Variants in R3HDML observed in about 807,000 individuals in gnomAD.
R3HDML encodes peptidase inhibitor R3HDML.
Under a neutral mutation model 24.2 loss-of-function variants are expected in R3HDML, and 21 were observed. The ratio of observed to expected loss-of-function variants is 0.87; its 90% confidence interval spans 0.62 to 1.25. The LOEUF (loss-of-function observed/expected upper bound fraction) is 1.25, where lower values mean the gene tolerates loss of function less well. R3HDML is among the 50% of genes most tolerant of loss of function. R3HDML has a pLI of 0.00. For synonymous variants in R3HDML, 133 were observed against 131.5 expected (o/e 1.01, Z -0.08); for missense variants, 301 against 340.3 (o/e 0.88, Z 0.91).
intron 4 of R3HDML, among the ~76,000 whole-genome samples, chr20:44,349,137 AAAATAAAAT>A (rs2062800657): frequency 6.9e-6 from 1 of 144,560 alleles, no homozygotes; most frequent in African/African-American, 2.7e-5. Context: ...AAAGTAAAAT[AAAATAAAAT>A]AAATAAAATA....
intron 4 of R3HDML, among the ~76,000 whole-genome samples, chr20:44,348,404 C>CCCTTCCCCTTCCTTTCTTT (rs1392314077): frequency 1.4e-5 from 2 of 147,252 alleles, no homozygotes; most frequent in East Asian, 3.9e-4. Flanking sequence ...TTCGGCCTTC[C>CCCTTCCCCTTCCTTTCTTT]CCTTCCCCTT....
Position 44,337,091 on chromosome 20 carries a change from G to T in R3HDML, c.-67G>T. On this transcript the variant is annotated 5_prime_UTR_variant, in exon 1 of 5. Transcript: ENST00000217043. This position sits in a 1 kb window ranked among gnomAD's most constrained non-coding sequence, Gnocchi z 4.7. ...AGAACGCTCAGGGTCTGGTGCTCTC[G>T]TGCCTGCCCCTTCCAGGCAGCCGGC... The T allele has an allele frequency of 1.3e-6, 2 of 1,543,472 alleles. No individual in the cohort carries two copies. Among genetic ancestry groups the T allele is most frequent in the African/African-American group, 2.7e-5 (2 of 73,770 alleles).
intron 1 of R3HDML, among the ~76,000 whole-genome samples, chr20:44,338,744 CA>C (rs1184508940): frequency 1.3e-5 from 2 of 152,108 alleles, no homozygotes; most frequent in Non-Finnish European, 2.9e-5. Context: ...CCCTTTGTAG[CA>C]TGAGGGAAGC....
At chr20:44,348,397 G>A (rs1052006242) in intron 4 of R3HDML, among the ~76,000 whole-genome samples, 16 of 151,270 alleles carry the variant, frequency 1.1e-4, no homozygotes, top group Admixed American at 3.9e-4. Context: ...GACAGGCTTC[G>A]GCCTTCCCCT....
At chr20:44,341,341 C>G (rs1452172759) in intron 2 of R3HDML, 27 bp downstream of exon 2, 1 of 1,541,970 alleles carries the variant, frequency 6.5e-7, no homozygotes, top group East Asian at 2.3e-5. Flanking sequence ...CCTTCCTTCA[C>G]TCAGTCATTC....
Position 44,337,450 on chromosome 20 carries a change from C to T in R3HDML, c.261+32C>T. On this transcript the variant is annotated intron_variant, in intron 1 of 4. Transcript: ENST00000217043. This position sits in a 1 kb window ranked among gnomAD's most constrained non-coding sequence, Gnocchi z 4.7. ...CCCCGTACCTGCCCCCCACCCCCCG[C>T]AGTGTCCCTTCCGGCAAACGCAGCC... 6.3e-7 allele frequency: 1 copy of T among 1,595,240 alleles called. No homozygotes were observed. Among genetic ancestry groups the T allele is most frequent in the African/African-American group, 1.3e-5 (1 of 74,748 alleles).
chr20:44,340,887 C>T (rs1279427745), intron 1 of R3HDML, among the ~76,000 whole-genome samples: 1 of 152,140 alleles, frequency 6.6e-6, no homozygotes, highest in African/African-American at 2.4e-5. Context: ...ATTTTCTCAT[C>T]CTTCTGGGTT....
chr20:44,347,234 G>A (rs35333919), intron 4 of R3HDML, among the ~76,000 whole-genome samples: 11 of 150,452 alleles, frequency 7.3e-5, no homozygotes, highest in Non-Finnish European at 1.0e-4. Context: ...TTTTTTTTGG[G>A]GGGGGACGAG....
intron 1 of R3HDML, among the ~76,000 whole-genome samples, chr20:44,338,630 T>A (rs1490584391): frequency 6.6e-6 from 1 of 152,158 alleles, no homozygotes; most frequent in Non-Finnish European, 1.5e-5. Flanking sequence ...GTTTAATGAT[T>A]GCAGGCGGCA....
chr20:44,350,635 C>T lies in R3HDML; in HGVS notation c.630-25C>T, dbSNP rs367604424. ...GGTTACTCACCTAATGCTCCTCTGTCTCCCTGGGTCCTTTTCTCTTCCAGG... is the reference window on the plus strand; with the variant it reads ...GGTTACTCACCTAATGCTCCTCTGTTTCCCTGGGTCCTTTTCTCTTCCAGG... On this transcript the variant is annotated intron_variant, in intron 4 of 4. Transcript: ENST00000217043. 2.2e-5 allele frequency: 36 copies of T among 1,606,904 alleles called. No individual in the cohort carries two copies. The South Asian group carries it at 3.9e-4, about 17-fold the overall frequency.
chr20:44,338,308 C>T (rs1057427504), intron 1 of R3HDML, among the ~76,000 whole-genome samples: 8 of 152,194 alleles, frequency 5.3e-5, no homozygotes, highest in East Asian at 1.9e-4. Context: ...AGCCAGGCAC[C>T]GTGCTAAGCC....
At chr20:44,344,996 ACT>A in intron 3 of R3HDML, 1 of 473,162 alleles carries the variant, frequency 2.1e-6, no homozygotes, top group Admixed American at 4.0e-5. Context: ...GATTTGTAAA[ACT>A]CTTGTTCAAA....
Position 44,345,299 on chromosome 20 carries a change from A to T in R3HDML, c.550A>T (p.Ile184Phe). ...WASSNRLGCAIHTCSSISVWG... is the reference protein window; with the variant it reads ...WASSNRLGCAFHTCSSISVWG... ...ATCCTCCAATCGGCTGGGCTGTGCC[A>T]TCCACACCTGTAGTAGCATCAGTGT... Residue 184 changes from isoleucine to phenylalanine, a missense_variant, in exon 4 of 5, where the codon ATC (isoleucine) becomes TTC (phenylalanine). Coordinates refer to ENST00000217043, the MANE Select transcript of R3HDML (RefSeq NM_178491.4). The T allele has an allele frequency of 6.2e-7, 1 of 1,614,124 alleles. No individual in the cohort carries two copies. The highest frequency in any genetic ancestry group is 8.5e-7 in the Non-Finnish European group (1 of 1,180,034).
rs750658327 is a variant in R3HDML at position 44,343,373 on chromosome 20, C to G, written c.381-4C>G. 6.2e-6 allele frequency: 10 copies of G among 1,607,672 alleles called. No individual in the cohort carries two copies. The South Asian group carries it at 1.0e-4, about 16-fold the overall frequency. On this transcript the variant is annotated splice_polypyrimidine_tract_variant and splice_region_variant and intron_variant, in intron 2 of 4. Transcript: ENST00000217043. ...AGCTTCTTCCGTGTCCCCCGCCTCC[C>G]CAGGTACCGGTCCGTAGTGGATCTC...
At chr20:44,343,341 C>A in intron 2 of R3HDML, 36 bp from the exon 3 acceptor site, 1 of 1,604,886 alleles carries the variant, frequency 6.2e-7, no homozygotes, top group African/African-American at 1.3e-5. Context: ...TTTCCATCCT[C>A]TCACCCAGCT....
chr20:44,338,368 GGT>G (rs2062763340), intron 1 of R3HDML, among the ~76,000 whole-genome samples: 1 of 152,190 alleles, frequency 6.6e-6, no homozygotes, highest in Admixed American at 6.6e-5. Context: ...CCTTCACGAA[GGT>G]GACATTTTAG....
chr20:44,340,149 T>TTCACCATGTTGGCCAGGTTA (rs1438181878), intron 1 of R3HDML, among the ~76,000 whole-genome samples: 1 of 152,006 alleles, frequency 6.6e-6, no homozygotes, highest in African/African-American at 2.4e-5. Flanking sequence ...GAGACAGGGT[T>TTCACCATGTTGGCCAGGTTA]TCACCATGTT....
In R3HDML at chr20:44,350,737, G is replaced by A. The variant is rs2062808577; in HGVS notation, c.707G>A (p.Cys236Tyr). 6.2e-7 allele frequency: 1 copy of A among 1,614,132 alleles called. No homozygotes were observed. Among genetic ancestry groups the A allele is most frequent in the Non-Finnish European group, 8.5e-7 (1 of 1,180,016 alleles). ...TGTCCCCCCAGTTATCAAGGCAGCTGCAATAGCAACATGTGCTTCAAGGGG... is the reference window on the plus strand; with the variant it reads ...TGTCCCCCCAGTTATCAAGGCAGCTACAATAGCAACATGTGCTTCAAGGGG... ...SSCPPSYQGS[C>Y]NSNMCFKGLK... The change falls in exon 5 of 5, where the codon TGC becomes TAC. Residue 236 changes from cysteine to tyrosine, a missense_variant. Coordinates refer to ENST00000217043, the MANE Select transcript of R3HDML (RefSeq NM_178491.4).
intron 1 of R3HDML, among the ~76,000 whole-genome samples, chr20:44,338,260 T>C (rs1447054638): frequency 1.3e-5 from 2 of 152,196 alleles, no homozygotes; most frequent in Admixed American, 6.5e-5. Flanking sequence ...CTTAACTTTT[T>C]CATCGTATCC....
Sources: gnomAD v4.1 joint callset for allele counts (sites outside exome capture counted in the v4.1 genomes callset) on GRCh38, gnomAD v4.1.1 for gene constraint, Gnocchi (gnomAD v3.1) non-coding constraint, MANE v1.5 for transcripts, NCBI Gene and HGNC (gene_info 2026-07-23, HGNC 2026-07-21) for gene names.